Variants in ADCYAP1R1 observed in about 807,000 individuals in gnomAD.
The protein encoded by ADCYAP1R1 is pituitary adenylate cyclase-activating polypeptide type I receptor.
ADCYAP1R1 carries 44 observed loss-of-function variants against 67.6 expected under a neutral mutation model. The ratio of observed to expected loss-of-function variants is 0.65; its 90% CI spans 0.51 to 0.84. The LOEUF is 0.84. Among genes scored for constraint, ADCYAP1R1 ranks in the 40% least tolerant of loss-of-function variants. The pLI, the probability that ADCYAP1R1 is intolerant of heterozygous loss-of-function variation, is 0.00. For synonymous variants in ADCYAP1R1, 222 were observed against 219.6 expected, an observed-to-expected ratio of 1.01 and a Z score of -0.10; for missense variants, 477 against 587.9, an observed-to-expected ratio of 0.81 and a Z score of 1.95.
intron 3 of ADCYAP1R1, among the ~76,000 whole-genome samples, chr7:31,076,663 C>A (rs184976339): frequency 2.0e-5 from 3 of 152,160 alleles, no homozygotes; most frequent in Non-Finnish European, 4.4e-5. Flanking sequence ...TCTTGCTTGG[C>A]GCGTGCAGGC....
chr7:31,067,241 C>T (rs1264872005), intron 3 of ADCYAP1R1, among the ~76,000 whole-genome samples: 1 of 152,150 alleles, frequency 6.6e-6, no homozygotes, highest in Non-Finnish European at 1.5e-5. Flanking sequence ...CTCATCTATC[C>T]CTACTCGTCC....
intron 4 of ADCYAP1R1, among the ~76,000 whole-genome samples, chr7:31,079,309 C>T (rs1157418439): frequency 6.6e-6 from 1 of 152,216 alleles, no homozygotes; most frequent in Non-Finnish European, 1.5e-5. Flanking sequence ...TGAGTTGGGG[C>T]TGGGCAGGGA....
At chr7:31,060,347 G>A (rs1794445831) in intron 1 of ADCYAP1R1, among the ~76,000 whole-genome samples, 1 of 152,252 alleles carries the variant, frequency 6.6e-6, no homozygotes, top group Non-Finnish European at 1.5e-5. Context: ...GTGTGTGTAA[G>A]CGTGAATTGT....
Position 31,086,616 on chromosome 7 carries a change from AGGAAGT to A in ADCYAP1R1, c.823+81_823+86del. 6.5e-7 allele frequency: 1 copy of A among 1,550,214 alleles called. No individual in the cohort carries two copies. The highest frequency in any genetic ancestry group is 8.8e-7 in the Non-Finnish European group (1 of 1,134,788). On this transcript the variant is annotated intron_variant, in intron 10 of 15. Coordinates refer to ENST00000304166, the MANE Select transcript of ADCYAP1R1 (RefSeq NM_001118.5). This position sits in a 1 kb window ranked among gnomAD's most constrained non-coding sequence, Gnocchi z 5.0. ...CAGGTGTGTCTTTGGTTCCATCTTC[AGGAAGT>A]GTCAGGTGAGGAGGGGCCACTGCCC...
Position 31,087,657 on chromosome 7 carries a change from G to C in ADCYAP1R1, c.915G>C (p.Leu305=), listed in dbSNP as rs1222977163. 6.2e-7 allele frequency: 1 copy of C among 1,614,100 alleles called. No individual in the cohort carries two copies. Among genetic ancestry groups the C allele is most frequent in the Admixed American group, 1.7e-5 (1 of 60,016 alleles). The change falls in exon 12 of 16, where the codon CTG becomes CTC. Residue 305 remains leucine, a synonymous_variant. Transcript: ENST00000304166. ...GCWDMNDSTA[L]WWVIKGPVVG... Reference sequence around the variant, plus strand: ...GGGATATGAATGACAGCACAGCTCTGTGGTGGGTGATCAAAGGCCCTGTGG... The same window carrying C: ...GGGATATGAATGACAGCACAGCTCTCTGGTGGGTGATCAAAGGCCCTGTGG...
intron 6 of ADCYAP1R1, among the ~76,000 whole-genome samples, chr7:31,082,940 T>A (rs1004201899): frequency 5.3e-5 from 8 of 152,248 alleles, no homozygotes; most frequent in Admixed American, 5.2e-4. Context: ...GGACACAGAT[T>A]GGAAAAGTGG....
At chr7:31,062,339 G>A (rs1468396366) in intron 1 of ADCYAP1R1, among the ~76,000 whole-genome samples, 2 of 152,192 alleles carry the variant, frequency 1.3e-5, no homozygotes, top group Non-Finnish European at 1.5e-5. Flanking sequence ...CTGCAGCTCT[G>A]AGGCCTGAGC....
At chr7:31,081,194 A>C (rs1003521055) in intron 5 of ADCYAP1R1, among the ~76,000 whole-genome samples, 1 of 152,134 alleles carries the variant, frequency 6.6e-6, no homozygotes, top group Non-Finnish European at 1.5e-5. Context: ...GGGGTTTGGC[A>C]TAAGAAAAGG....
chr7:31,080,519 G>T, intron 4 of ADCYAP1R1, 94 bp from the exon 5 acceptor site: 1 of 1,304,638 alleles, frequency 7.7e-7, no homozygotes, highest in Non-Finnish European at 1.1e-6. Flanking sequence ...GGAGGAGGAA[G>T]TGATCAGCAA....
chr7:31,062,904 C>T (rs1203252330), intron 1 of ADCYAP1R1, among the ~76,000 whole-genome samples: 1 of 152,200 alleles, frequency 6.6e-6, no homozygotes, highest in Non-Finnish European at 1.5e-5. Context: ...TTTGGGGAGG[C>T]AATCCCTCTG....
chr7:31,064,801 T>C (rs1400310287), intron 2 of ADCYAP1R1, 30 bp from the exon 3 acceptor site: 10 of 1,574,158 alleles, frequency 6.4e-6, no homozygotes, highest in Non-Finnish European at 7.8e-6. Context: ...TCCTACCCGC[T>C]CCCACCATCC....
intron 1 of ADCYAP1R1, among the ~76,000 whole-genome samples, chr7:31,059,751 G>T (rs569365213): frequency 6.6e-6 from 1 of 152,290 alleles, no homozygotes; most frequent in Admixed American, 6.5e-5. Flanking sequence ...CCAGTTGGGG[G>T]CAGTGCAGGG....
chr7:31,077,695 GGT>G (rs1190486090), intron 3 of ADCYAP1R1, among the ~76,000 whole-genome samples: 1 of 147,668 alleles, frequency 6.8e-6, no homozygotes, highest in Non-Finnish European at 1.5e-5. Context: ...TGGTGTGTGT[GGT>G]GTGTGTGATG....
At chr7:31,075,567 A>G (rs1029303137) in intron 3 of ADCYAP1R1, among the ~76,000 whole-genome samples, 9 of 151,910 alleles carry the variant, frequency 5.9e-5, no homozygotes, top group African/African-American at 7.3e-5. Flanking sequence ...TCCTTCCTCC[A>G]TGCTCTTCTC....
At chr7:31,060,804 A>T (rs1794470346) in intron 1 of ADCYAP1R1, among the ~76,000 whole-genome samples, 1 of 152,016 alleles carries the variant, frequency 6.6e-6, no homozygotes, top group South Asian at 2.1e-4. Context: ...CCCCCACCCC[A>T]CCAGAGCTGT....
At chr7:31,091,252 A>G (rs1457790034) in intron 12 of ADCYAP1R1, among the ~76,000 whole-genome samples, 1 of 152,086 alleles carries the variant, frequency 6.6e-6, no homozygotes, top group East Asian at 1.9e-4. Flanking sequence ...CTTTTGCCCA[A>G]TTTTTAATAA....
intron 12 of ADCYAP1R1, among the ~76,000 whole-genome samples, chr7:31,088,095 C>T (rs879430743): frequency 6.6e-5 from 10 of 152,280 alleles, no homozygotes; most frequent in South Asian, 2.1e-4. Context: ...TCATTGTCTA[C>T]GCTTAATCAA....
At chr7:31,077,396 ATGTGTGTGGTGTGTGTGTGATG>A (rs70983399) in intron 3 of ADCYAP1R1, among the ~76,000 whole-genome samples, 57,066 of 143,816 alleles carry the variant, frequency 0.4, 10,727 homozygotes, top group African/African-American at 0.43. Flanking sequence ...TGTGTATGTG[ATGTGTGTGGTGTGTGTGTGATG>A]TGTGTGTGGT....
chr7:31,096,713 C>T (rs1197994750), intron 13 of ADCYAP1R1, among the ~76,000 whole-genome samples: 1 of 152,132 alleles, frequency 6.6e-6, no homozygotes, highest in Non-Finnish European at 1.5e-5. Context: ...GATCTGTGAG[C>T]TGTGCTGCTA....
Sources: allele counts gnomAD v4.1 joint callset (sites outside exome capture counted in the v4.1 genomes callset), GRCh38; gene constraint gnomAD v4.1.1; non-coding constraint Gnocchi (gnomAD v3.1); transcripts MANE v1.5; gene names NCBI Gene and HGNC (gene_info 2026-07-23, HGNC 2026-07-21).